The following ANK3 variants were observed in gnomAD, a reference collection of about 807,000 sequenced individuals.
The protein encoded by ANK3 is ankyrin 3.
Under a neutral mutation model 370.9 loss-of-function variants are expected in ANK3, and 57 were observed. That is an observed-to-expected ratio of 0.15 (90% CI 0.12 to 0.19). The LOEUF is 0.19. Ranked by LOEUF, ANK3 falls within the 10% of genes least tolerant of loss-of-function variation. The probability of loss-of-function intolerance (pLI) is 1.00; values close to 1 mark genes in which losing one functional copy is unlikely to be tolerated. For synonymous variants in ANK3, 1,929 were observed against 1,946.3 expected, an observed-to-expected ratio of 0.99 and a Z score of 0.23; for missense variants, 4,439 against 5,302.1, an observed-to-expected ratio of 0.84 and a Z score of 5.06.
At chr10:60,366,982 C>A (rs770934435) in intron 1 of ANK3, among the ~76,000 whole-genome samples, 1 of 152,154 alleles carries the variant, frequency 6.6e-6, no homozygotes, top group South Asian at 2.1e-4. Flanking sequence ...TATAGTACTG[C>A]GTGAACATTT....
intron 2 of ANK3, among the ~76,000 whole-genome samples, chr10:60,403,481 A>G (rs773600881): frequency 2.6e-5 from 4 of 152,272 alleles, no homozygotes; most frequent in Non-Finnish European, 5.9e-5. Context: ...AATTTAATAA[A>G]GTGAGGCTTA....
intron 8 of ANK3, among the ~76,000 whole-genome samples, chr10:60,214,910 G>T (rs1367710079): frequency 6.6e-6 from 1 of 152,090 alleles, no homozygotes; most frequent in African/African-American, 2.4e-5. Flanking sequence ...TGGTATTTCT[G>T]GTTCTAGATT....
chr10:60,348,660 C>T (rs1360651976), intron 1 of ANK3, among the ~76,000 whole-genome samples: 2 of 152,094 alleles, frequency 1.3e-5, no homozygotes, highest in African/African-American at 4.8e-5. Flanking sequence ...TATTTGGTAG[C>T]GGCTAACAGC....
At chr10:60,386,836 T>G (rs2062412085) in intron 1 of ANK3, among the ~76,000 whole-genome samples, 1 of 152,278 alleles carries the variant, frequency 6.6e-6, no homozygotes, top group South Asian at 2.1e-4. Flanking sequence ...TCCCAAGCTT[T>G]TGAGCGTATC....
intron 2 of ANK3, among the ~76,000 whole-genome samples, chr10:60,612,918 G>C (rs996408225): frequency 1.3e-5 from 2 of 152,128 alleles, no homozygotes. Flanking sequence ...TGCTACAGAA[G>C]GTAGCATAAC....
chr10:60,168,081 A>G lies in ANK3; in HGVS notation c.2479-1185T>C, dbSNP rs558445855. On this transcript the variant is annotated intron_variant, in intron 21 of 43. Coordinates refer to ENST00000280772, the MANE Select transcript of ANK3 (RefSeq NM_020987.5). ...CGCTCTGTTTCCCAGGCTGGAGTGC[A>G]GTGGCACAATCTCGGCTTGCTGCAA... Among the ~76,000 whole-genome samples the G allele has an allele frequency of 3.4e-3, 514 of 152,336 alleles. 3 individuals are homozygous for G. The highest frequency in any genetic ancestry group is 3.8e-3 in the Non-Finnish European group (257 of 68,026).
chr10:60,546,440 T>C (rs953083096), intron 2 of ANK3, among the ~76,000 whole-genome samples: 3 of 152,200 alleles, frequency 2.0e-5, no homozygotes, highest in African/African-American at 4.8e-5. Context: ...CTGAAAGCAA[T>C]TGAATTTACA....
intron 42 of ANK3, among the ~76,000 whole-genome samples, chr10:60,054,109 C>T (rs1189705463): frequency 1.3e-5 from 2 of 152,222 alleles, no homozygotes; most frequent in Non-Finnish European, 2.9e-5. Flanking sequence ...GTGGCCCATA[C>T]ATATGCACAT....
chr10:60,526,899 C>T (rs1261805940), intron 2 of ANK3, among the ~76,000 whole-genome samples: 1 of 152,072 alleles, frequency 6.6e-6, no homozygotes, highest in African/African-American at 2.4e-5. Flanking sequence ...AAGTGAACAG[C>T]ACTAAAAATT....
At chr10:60,654,157 T>C (rs1176012278) in intron 1 of ANK3, among the ~76,000 whole-genome samples, 1 of 152,216 alleles carries the variant, frequency 6.6e-6, no homozygotes, top group Non-Finnish European at 1.5e-5. Context: ...ATTGATTTTA[T>C]ATATTTTTCT....
intron 36 of ANK3, among the ~76,000 whole-genome samples, chr10:60,078,575 C>T (rs570457659): frequency 1.8e-4 from 27 of 152,268 alleles, no homozygotes; most frequent in African/African-American, 6.3e-4. Context: ...TTTTATACTT[C>T]GCAAGGAACA....
At chr10:60,667,196 T>C (rs997277816) in intron 1 of ANK3, among the ~76,000 whole-genome samples, 1 of 126,554 alleles carries the variant, frequency 7.9e-6, no homozygotes, top group Non-Finnish European at 1.7e-5. Context: ...TATTATATTA[T>C]ATTATATTAT....
chr10:60,029,937 C>T (rs2073008064), intron 43 of ANK3, 111 bp from the exon 44 acceptor site: 1 of 109,054 alleles, frequency 9.2e-6, no homozygotes, highest in South Asian at 3.3e-4. Flanking sequence ...ACTTGCCATT[C>T]AATAGAAAAG....
At chr10:60,443,228 G>T (rs938361382) in intron 2 of ANK3, among the ~76,000 whole-genome samples, 1 of 152,096 alleles carries the variant, frequency 6.6e-6, no homozygotes, top group Non-Finnish European at 1.5e-5. Context: ...GAAAGAGGAA[G>T]GTTAGTTTAA....
intron 38 of ANK3, among the ~76,000 whole-genome samples, chr10:60,067,437 T>C (rs1030404514): frequency 2.6e-5 from 4 of 152,024 alleles, no homozygotes; most frequent in African/African-American, 4.8e-5. Context: ...TAAATAAACA[T>C]AGAGTTTTAT....
chr10:60,222,737 C>G (rs2132490948), intron 8 of ANK3, among the ~76,000 whole-genome samples: 1 of 150,914 alleles, frequency 6.6e-6, no homozygotes, highest in Non-Finnish European at 1.5e-5. Context: ...CTGCAATTAA[C>G]AAACTCTCTG....
In ANK3 at chr10:60,069,203, C is replaced by G. The variant is rs12260663; in HGVS notation, c.11678G>C (p.Ser3893Thr). The G allele has an allele frequency of 8.9e-5, 144 of 1,614,192 alleles. No homozygotes were observed. In the African/African-American group the frequency reaches 1.8e-3, roughly 20 times the overall value. The stretch of plus-strand genomic sequence containing the variant: ...AAGGGCTTTGGTTTTCTCGGATTGA[C>G]TAACCTGCTTCATTTTACTTGCTTT... ...NTKASKMKQV[S>T]QSEKTKALTT... The change falls in exon 37 of 44, where the codon AGT (serine) becomes ACT (threonine). Residue 3893 changes from serine (S) to threonine (T), a missense_variant. Physicochemically the swap from Ser to Thr is moderately conservative, Grantham distance 58. Transcript: ENST00000280772.
chr10:60,085,220 G>T lies in ANK3; in HGVS notation c.3782C>A (p.Thr1261Lys). 1.2e-6 allele frequency: 2 copies of T among 1,613,164 alleles called. No individual in the cohort carries two copies. Among genetic ancestry groups the T allele is most frequent in the Non-Finnish European group, 1.7e-6 (2 of 1,179,576 alleles). Reference sequence around the variant, plus strand: ...TATAAACGTCAAAGGAGTTGTTCCTGTGATGTCTTCCCACTGAGCAGGCGA... The same window carrying T: ...TATAAACGTCAAAGGAGTTGTTCCTTTGATGTCTTCCCACTGAGCAGGCGA... ...GTSPAQWEDITGTTPLTFIKD... is the reference protein window; with the variant it reads ...GTSPAQWEDIKGTTPLTFIKD... Residue 1261 changes from threonine (T) to lysine (K), a missense_variant, in exon 31 of 44, where the codon ACA becomes AAA. Physicochemically the swap from Thr to Lys is moderately conservative, Grantham distance 78 (BLOSUM62 -1). This residue lies in a region of ANK3 where 702 missense variants were observed against 941.5 expected (regional missense o/e 0.75). Transcript: ENST00000280772.
At chr10:60,334,374 C>A (rs1181225168) in intron 1 of ANK3, among the ~76,000 whole-genome samples, 1 of 152,120 alleles carries the variant, frequency 6.6e-6, no homozygotes, top group African/African-American at 2.4e-5. Context: ...ATCCTCCCTT[C>A]CCCCCGCACC....
Sources: gnomAD v4.1 joint callset for allele counts (sites outside exome capture counted in the v4.1 genomes callset) on GRCh38, gnomAD v4.1.1 for gene constraint, gnomAD v4.1.1 regional missense constraint, MANE v1.5 for transcripts, NCBI Gene and HGNC (gene_info 2026-07-23, HGNC 2026-07-21) for gene names.